TNFSF4: variants seen among roughly 807,000 people sequenced by gnomAD.
TNFSF4 encodes tumor necrosis factor ligand superfamily member 4.
TNFSF4 carries 4 observed loss-of-function variants against 7.3 expected under a neutral mutation model. The observed-to-expected ratio is 0.55, with a 90% CI of 0.27 to 1.25. The LOEUF is 1.25. Among genes scored for constraint, TNFSF4 ranks in the 50% most tolerant of loss-of-function variants. TNFSF4 has a pLI of 0.12. For synonymous variants in TNFSF4, 76 were observed against 83.7 expected, an observed-to-expected ratio of 0.91 and a Z score of 0.50; for missense variants, 181 against 208.8, an observed-to-expected ratio of 0.87 and a Z score of 0.82.
the TNFSF4 span, among the ~76,000 whole-genome samples, chr1:173,420,002 G>C: frequency 6.6e-6 from 1 of 152,092 alleles, no homozygotes; most frequent in South Asian, 2.1e-4. Flanking sequence ...TTTACCTCAT[G>C]ATATATTTAT....
chr1:173,302,686 A>G, the TNFSF4 span, among the ~76,000 whole-genome samples: 7 of 151,908 alleles, frequency 4.6e-5, no homozygotes, highest in Non-Finnish European at 8.8e-5. Context: ...AAAGATAAAC[A>G]TGCTATGAAA....
At chr1:173,211,526 C>T (rs1041740370), upstream of TNFSF4, among the ~76,000 whole-genome samples, 1 of 152,186 alleles carries the variant, frequency 6.6e-6, no homozygotes, top group African/African-American at 2.4e-5. Context: ...TCTCCAAGCC[C>T]TTCATCCTGG....
At chr1:173,377,040 T>C in the TNFSF4 span, among the ~76,000 whole-genome samples, 2 of 152,106 alleles carry the variant, frequency 1.3e-5, no homozygotes, top group East Asian at 1.9e-4. Context: ...TCTGGACACA[T>C]CTGAACATCT....
the TNFSF4 span, among the ~76,000 whole-genome samples, chr1:173,265,047 C>CA: frequency 1.3e-5 from 2 of 152,196 alleles, no homozygotes; most frequent in African/African-American, 4.8e-5. Context: ...ATAAAACAAA[C>CA]AAAAAACCTT....
At chr1:173,443,915 A>T in the TNFSF4 span, among the ~76,000 whole-genome samples, 1 of 152,166 alleles carries the variant, frequency 6.6e-6, no homozygotes, top group Non-Finnish European at 1.5e-5. Context: ...ATGTAGAGAA[A>T]GCCCCTTTCC....
chr1:173,266,379 C>A, the TNFSF4 span, among the ~76,000 whole-genome samples: 1 of 152,060 alleles, frequency 6.6e-6, no homozygotes, highest in South Asian at 2.1e-4. Context: ...AATGGGATAG[C>A]CTCCCACCAA....
At chr1:173,183,680 T>A (rs1649102606), downstream of TNFSF4, 1 of 152,112 alleles carries the variant, frequency 6.6e-6, no homozygotes, top group Non-Finnish European at 1.5e-5. Flanking sequence ...GATGAGCTAC[T>A]CAGAACATGG....
At chr1:173,419,291 G>A in the TNFSF4 span, among the ~76,000 whole-genome samples, 1 of 151,024 alleles carries the variant, frequency 6.6e-6, no homozygotes, top group African/African-American at 2.4e-5. Context: ...GCAGGGAGCT[G>A]AGATCACACC....
chr1:173,243,812 T>G, the TNFSF4 span, among the ~76,000 whole-genome samples: 22 of 152,190 alleles, frequency 1.4e-4, no homozygotes, highest in Non-Finnish European at 8.8e-5. Context: ...CCCCATATCA[T>G]GGGTTTGTGG....
the TNFSF4 span, among the ~76,000 whole-genome samples, chr1:173,250,362 A>G: frequency 1.3e-5 from 2 of 152,226 alleles, no homozygotes; most frequent in South Asian, 2.1e-4. Flanking sequence ...GAATATAGAA[A>G]TAGAGGTTAA....
chr1:173,405,338 T>C, the TNFSF4 span, among the ~76,000 whole-genome samples: 2 of 152,240 alleles, frequency 1.3e-5, no homozygotes, highest in Non-Finnish European at 2.9e-5. Flanking sequence ...AAATGTAATA[T>C]AATCTTCACA....
At chr1:173,173,624 G>T in the TNFSF4 span, among the ~76,000 whole-genome samples, 1 of 152,164 alleles carries the variant, frequency 6.6e-6, no homozygotes, top group African/African-American at 2.4e-5. Context: ...CTTAATTCTT[G>T]ACTTCTGTAC....
the TNFSF4 span, among the ~76,000 whole-genome samples, chr1:173,390,889 G>A: frequency 1.3e-5 from 2 of 151,602 alleles, no homozygotes; most frequent in African/African-American, 2.4e-5. Flanking sequence ...GGAATTACAG[G>A]TGCCTGCCAC....
At chr1:173,250,440 C>T in the TNFSF4 span, among the ~76,000 whole-genome samples, 3 of 151,794 alleles carry the variant, frequency 2.0e-5, no homozygotes, top group Non-Finnish European at 4.4e-5. Context: ...TTCAGTATCT[C>T]CAGTTTCATT....
intron 1 of TNFSF4, among the ~76,000 whole-genome samples, chr1:173,198,323 G>A (rs1649793952): frequency 6.6e-6 from 1 of 152,150 alleles, no homozygotes; most frequent in Admixed American, 6.5e-5. Context: ...AGTGTCTAAT[G>A]AAAAATTTCC....
At chr1:173,404,951 C>T in the TNFSF4 span, among the ~76,000 whole-genome samples, 1 of 152,088 alleles carries the variant, frequency 6.6e-6, no homozygotes, top group South Asian at 2.1e-4. Flanking sequence ...CTCTTTTAAA[C>T]TATAACATCT....
chr1:173,260,725 A>T, the TNFSF4 span, among the ~76,000 whole-genome samples: 2 of 152,218 alleles, frequency 1.3e-5, no homozygotes, highest in Non-Finnish European at 2.9e-5. Flanking sequence ...ACCAACTAAG[A>T]TCAAAAAAGA....
chr1:173,345,877 G>A, the TNFSF4 span, among the ~76,000 whole-genome samples: 1 of 152,200 alleles, frequency 6.6e-6, no homozygotes, highest in African/African-American at 2.4e-5. Flanking sequence ...AAGACTCGGT[G>A]CAATCCCACT....
At chr1:173,204,860 ATC>A (rs1206484245) in intron 1 of TNFSF4, among the ~76,000 whole-genome samples, 1 of 149,698 alleles carries the variant, frequency 6.7e-6, no homozygotes, top group Non-Finnish European at 1.5e-5. Flanking sequence ...TTCTCTCTCA[ATC>A]TCTCTGTCTC....
Sources: allele counts gnomAD v4.1 joint callset (sites outside exome capture counted in the v4.1 genomes callset), GRCh38; gene constraint gnomAD v4.1.1; transcripts MANE v1.5; gene names NCBI Gene and HGNC (gene_info 2026-07-23, HGNC 2026-07-21).